The following ADGRG4 variants were observed in gnomAD, a reference collection of about 807,000 sequenced individuals.
ADGRG4 encodes G protein-coupled receptor 112.
In ADGRG4, 122 loss-of-function variants were observed where a neutral mutation model predicts 126.2. The ratio of observed to expected loss-of-function variants is 0.97; its 90% CI spans 0.83 to 1.12. The LOEUF (loss-of-function observed/expected upper bound fraction) is 1.12, where lower values mean the gene tolerates loss of function less well. Ranked by LOEUF, ADGRG4 falls within the 50% of genes most tolerant of loss-of-function variation. The pLI is 0.00. For missense variants in ADGRG4, 2,481 were observed against 2,251.8 expected (o/e 1.10, Z -2.06); for synonymous variants, 943 against 838.7 (o/e 1.12, Z -2.15).
chrX:136,326,117 A>G (rs2074871442), intron 5 of ADGRG4, among the ~76,000 whole-genome samples: 1 of 112,337 alleles, frequency 8.9e-6, no homozygotes, highest in Non-Finnish European at 1.9e-5. Context: ...CACCTCAAAC[A>G]AACAAAAAAA....
At chrX:136,306,233 CT>C (rs1369296735) in intron 3 of ADGRG4, 5 of 110,390 alleles carry the variant, frequency 4.5e-5, no homozygotes, top group Non-Finnish European at 9.5e-5. Flanking sequence ...CTCTTTCCCC[CT>C]CTCTCCTTCT....
At chrX:136,342,913 TGTGTGTGTGA>T (rs1277722538) in intron 5 of ADGRG4, among the ~76,000 whole-genome samples, 2 of 82,170 alleles carry the variant, frequency 2.4e-5, no homozygotes, top group African/African-American at 1.1e-4. Context: ...TGTGTGTGTG[TGTGTGTGTGA>T]GAGAGAGAGA....
In ADGRG4 at chrX:136,307,031, T is replaced by C. The variant is rs778145086; in HGVS notation, c.-9-1738T>C. 8.0e-5 allele frequency among the ~76,000 whole-genome samples: 9 copies of C among 112,025 alleles called. No individual in the cohort carries two copies. The East Asian group carries it at 2.0e-3, about 24-fold the overall frequency. On this transcript the variant is annotated intron_variant, in intron 3 of 25. Coordinates refer to ENST00000394143, the MANE Select transcript of ADGRG4 (RefSeq NM_153834.4). Reference sequence around the variant, plus strand: ...GCCCAGCCTTTATTCCTTTTAATGGTTGCATAGTATTCTGTTGTGTAAATG... The same window carrying C: ...GCCCAGCCTTTATTCCTTTTAATGGCTGCATAGTATTCTGTTGTGTAAATG...
At chrX:136,414,137 A>G (rs1165528246) in intron 24 of ADGRG4, 23 bp from the exon 25 acceptor site, 2 of 1,147,535 alleles carry the variant, frequency 1.7e-6, no homozygotes, top group Non-Finnish European at 2.3e-6. Flanking sequence ...TTATATTTTT[A>G]ACTTTTCTTG....
chrX:136,416,408 G>A (rs755836193), intron 25 of ADGRG4, 46 bp from the exon 26 acceptor site: 2 of 1,101,375 alleles, frequency 1.8e-6, no homozygotes, highest in Non-Finnish European at 1.2e-6. Context: ...TATGTGCAAA[G>A]TCCCTGATGC....
intron 15 of ADGRG4, among the ~76,000 whole-genome samples, chrX:136,385,071 G>A (rs2032952729): frequency 1.8e-5 from 2 of 110,664 alleles, no homozygotes; most frequent in Admixed American, 1.9e-4. Context: ...AAGATCTTTT[G>A]ATACTCCCCC....
At chrX:136,377,449 C>T (rs1351530065) in intron 15 of ADGRG4, among the ~76,000 whole-genome samples, 1 of 111,015 alleles carries the variant, frequency 9.0e-6, no homozygotes, top group African/African-American at 3.3e-5. Context: ...CCACCTTGGC[C>T]TACCAAAGTG....
intron 8 of ADGRG4, among the ~76,000 whole-genome samples, chrX:136,354,253 G>A (rs995281095): frequency 9.0e-6 from 1 of 111,695 alleles, no homozygotes; most frequent in African/African-American, 3.3e-5. Context: ...TAACAAAAAT[G>A]CTATAGACTA....
At chrX:136,392,594 T>C (rs965074544) in intron 17 of ADGRG4, among the ~76,000 whole-genome samples, 1 of 112,024 alleles carries the variant, frequency 8.9e-6, no homozygotes, top group Admixed American at 9.5e-5. Context: ...TGACTGGATC[T>C]TTTGGATGTC....
chrX:136,406,969 G>A (rs1005560955), intron 23 of ADGRG4, among the ~76,000 whole-genome samples: 5 of 110,012 alleles, frequency 4.5e-5, no homozygotes, highest in Admixed American at 9.7e-5. Context: ...AATTGCTGAC[G>A]TTCATCTTAA....
At chrX:136,329,713 A>C (rs2074896830) in intron 5 of ADGRG4, among the ~76,000 whole-genome samples, 1 of 104,752 alleles carries the variant, frequency 9.5e-6, no homozygotes, top group Non-Finnish European at 2.0e-5. Context: ...TCTGTCGCCC[A>C]GGATGTAGTG....
At chrX:136,369,342 C>T (rs1402568216) in intron 13 of ADGRG4, among the ~76,000 whole-genome samples, 1 of 112,074 alleles carries the variant, frequency 8.9e-6, no homozygotes, top group Admixed American at 9.5e-5. Context: ...AACAGTATTT[C>T]AAGGAATGAG....
rs1351299570 is a variant in ADGRG4, at chrX:136,346,307, G to A, written c.2601G>A (p.Met867Ile). The change falls in exon 6 of 26, where the codon ATG becomes ATA. Residue 867 changes from methionine to isoleucine, a missense_variant. Transcript: ENST00000394143. ...AVAEVSPFST[M>I]LEVTDESAQR... is the part of the protein sequence containing the mutation. The stretch of plus-strand genomic sequence containing the variant: ...CTGAGGTTTCTCCATTTTCAACAAT[G>A]CTGGAAGTGACAGACGAATCAGCAC... 1 of 1,211,024 alleles carries A rather than the reference G, an allele frequency of 8.3e-7. No homozygotes were observed. The highest frequency in any genetic ancestry group is 1.8e-5 in the South Asian group (1 of 56,896).
intron 15 of ADGRG4, among the ~76,000 whole-genome samples, chrX:136,377,842 G>GT (rs80099479): frequency 0.39 from 37,546 of 96,201 alleles, 5,611 homozygotes; most frequent in Non-Finnish European, 0.41. Context: ...TTCCTATACT[G>GT]TTTTTTTTTT....
chrX:136,406,101 C>T, intron 23 of ADGRG4, 129 bp downstream of exon 23: 1 of 703,065 alleles, frequency 1.4e-6, no homozygotes, highest in Admixed American at 3.3e-5. Context: ...ACCCACAGCC[C>T]ACTCTCTCTT....
rs755753024 is a variant in ADGRG4, at chrX:136,303,485, A to AGAC, written c.-253-648_-253-647insGAC. ...ACAGACAGACAGACAGACAGACAGA[A>AGAC]AGAAAGAAAGGAGGGAGGGAGGCAA... On this transcript the variant is annotated intron_variant, in intron 1 of 25. Transcript: ENST00000394143. Among the ~76,000 whole-genome samples, 228 of 111,588 alleles carry AGAC rather than the reference A, an allele frequency of 2.0e-3. 1 individual carries two copies. Among genetic ancestry groups the AGAC allele is most frequent in the African/African-American group, 6.9e-3 (211 of 30,706 alleles).
At position 136,349,376 on chromosome X, in the gene ADGRG4, T is replaced by C. The variant is rs914178688; in HGVS notation, c.5670T>C (p.Gly1890=). Residue 1890 remains glycine (G), a synonymous_variant, in exon 6 of 26, where the codon GGT becomes GGC. Coordinates refer to ENST00000394143, the MANE Select transcript of ADGRG4 (RefSeq NM_153834.4). ...MTSWNIPTAE[G]SQFPISTTIN... The stretch of plus-strand genomic sequence containing the variant: ...CCTGGAACATACCCACAGCTGAAGG[T>C]TCTCAGTTTCCAATTTCCACCACTA... 1 of 1,202,274 alleles carries C rather than the reference T, an allele frequency of 8.3e-7. No individual in the cohort carries two copies. The highest frequency in any genetic ancestry group is 1.1e-6 in the Non-Finnish European group (1 of 888,649).
chrX:136,329,137 T>C (rs1280561224), intron 5 of ADGRG4, among the ~76,000 whole-genome samples: 4 of 111,668 alleles, frequency 3.6e-5, no homozygotes, highest in Non-Finnish European at 7.5e-5. Flanking sequence ...CTGGTCACCA[T>C]TATCTCTCAC....
intron 1 of ADGRG4, among the ~76,000 whole-genome samples, chrX:136,303,114 A>G (rs1346160742): frequency 8.9e-6 from 1 of 111,967 alleles, no homozygotes; most frequent in East Asian, 2.8e-4. Flanking sequence ...TGAGGCCAGG[A>G]ATCTGAAACC....
Sources: gnomAD v4.1 joint callset for allele counts (sites outside exome capture counted in the v4.1 genomes callset) on GRCh38, gnomAD v4.1.1 for gene constraint, MANE v1.5 for transcripts, NCBI Gene and HGNC (gene_info 2026-07-23, HGNC 2026-07-21) for gene names.